Variants in EPM2A observed in about 807,000 individuals in gnomAD.
EPM2A encodes laforin.
In EPM2A, 21 loss-of-function variants were observed where a neutral mutation model predicts 26.5. The ratio of observed to expected loss-of-function variants is 0.79; its 90% CI spans 0.56 to 1.14. EPM2A has a LOEUF of 1.14. Among genes scored for constraint, EPM2A ranks in the 50% most tolerant of loss-of-function variants. The pLI, the probability that EPM2A is intolerant of heterozygous loss-of-function variation, is 0.00. For synonymous variants in EPM2A, 217 were observed against 177.6 expected (o/e 1.22, Z -1.76); for missense variants, 458 against 440.8 (o/e 1.04, Z -0.35).
chr6:145,632,638 G>A (rs764460087), intron 3 of EPM2A, among the ~76,000 whole-genome samples: 5 of 152,132 alleles, frequency 3.3e-5, no homozygotes, highest in African/African-American at 7.2e-5. Flanking sequence ...GACAACTAGC[G>A]GTGACAGTCA....
intron 4 of EPM2A, among the ~76,000 whole-genome samples, chr6:145,399,839 T>C (rs570774471): frequency 3.9e-5 from 6 of 152,304 alleles, no homozygotes; most frequent in Admixed American, 2.0e-4. Flanking sequence ...CCCTCAATAA[T>C]CTTTTTGGCT....
intron 2 of EPM2A, among the ~76,000 whole-genome samples, chr6:145,681,995 C>A (rs890238646): frequency 4.6e-5 from 7 of 152,142 alleles, no homozygotes; most frequent in Admixed American, 6.6e-5. Flanking sequence ...TAATATTGCT[C>A]TCTCACACCT....
chr6:145,468,310 T>C (rs1779426824), intron 4 of EPM2A, among the ~76,000 whole-genome samples: 2 of 152,138 alleles, frequency 1.3e-5, no homozygotes, highest in African/African-American at 4.8e-5. Flanking sequence ...TTCAAATCAC[T>C]TTAATCGCCG....
intron 1 of EPM2A, among the ~76,000 whole-genome samples, chr6:145,687,095 G>A (rs1244049807): frequency 6.6e-6 from 1 of 152,126 alleles, no homozygotes. Context: ...TGGTATGAAT[G>A]TTTTTGTCCC....
intron 3 of EPM2A, chr6:145,630,657 C>T (rs1235233964): frequency 6.6e-6 from 1 of 152,174 alleles, no homozygotes; most frequent in Non-Finnish European, 1.5e-5. Flanking sequence ...AGGGTGCCCA[C>T]TCATCTCAGC....
intron 4 of EPM2A, among the ~76,000 whole-genome samples, chr6:145,495,282 G>A (rs1212232285): frequency 6.7e-6 from 1 of 148,982 alleles, no homozygotes; most frequent in Admixed American, 6.7e-5. Flanking sequence ...AGTCTGTTTT[G>A]TCAAAAACTG....
intron 2 of EPM2A, among the ~76,000 whole-genome samples, chr6:145,608,570 T>C (rs1775318958): frequency 6.6e-6 from 1 of 151,750 alleles, no homozygotes; most frequent in Non-Finnish European, 1.5e-5. Flanking sequence ...ATTTCATCCT[T>C]AGTCAATCTA....
intron 4 of EPM2A, among the ~76,000 whole-genome samples, chr6:145,461,343 T>C (rs932805823): frequency 6.6e-6 from 1 of 152,200 alleles, no homozygotes; most frequent in Non-Finnish European, 1.5e-5. Flanking sequence ...AGAATGTATG[T>C]GCATAACAGG....
intron 4 of EPM2A, among the ~76,000 whole-genome samples, chr6:145,393,065 T>C (rs933295125): frequency 1.3e-5 from 2 of 152,104 alleles, no homozygotes; most frequent in Non-Finnish European, 2.9e-5. Flanking sequence ...TTCCAACTCA[T>C]TTTTTCTTTC....
intron 4 of EPM2A, among the ~76,000 whole-genome samples, chr6:145,488,495 TTGTGTG>T (rs146792300): frequency 7.6e-6 from 1 of 131,946 alleles, no homozygotes; most frequent in Non-Finnish European, 1.6e-5. Context: ...ATTTGTGTGG[TTGTGTG>T]TGTGTGTGTG....
At chr6:145,486,164 A>G (rs1164479890) in intron 4 of EPM2A, among the ~76,000 whole-genome samples, 2 of 152,090 alleles carry the variant, frequency 1.3e-5, no homozygotes, top group East Asian at 1.9e-4. Context: ...TCCAAATAGA[A>G]CCTTCCAGAG....
At chr6:145,406,018 G>C (rs62437927) in intron 4 of EPM2A, among the ~76,000 whole-genome samples, 2 of 125,792 alleles carry the variant, frequency 1.6e-5, no homozygotes, top group Non-Finnish European at 3.5e-5. Flanking sequence ...ACACACAACA[G>C]ACAGACACAC....
At chr6:145,515,997 A>T (rs537419957) in intron 2 of EPM2A, among the ~76,000 whole-genome samples, 1 of 152,342 alleles carries the variant, frequency 6.6e-6, no homozygotes, top group Non-Finnish European at 1.5e-5. Flanking sequence ...TGATACTCAG[A>T]CATCAAAGGA....
At chr6:145,443,918 T>C (rs2114703030) in intron 4 of EPM2A, among the ~76,000 whole-genome samples, 1 of 152,334 alleles carries the variant, frequency 6.6e-6, no homozygotes, top group South Asian at 2.1e-4. Flanking sequence ...TGACTTTTCC[T>C]CCTTGCCTTA....
At chr6:145,663,318 G>A (rs1039748211) in intron 2 of EPM2A, among the ~76,000 whole-genome samples, 10 of 152,158 alleles carry the variant, frequency 6.6e-5, no homozygotes, top group African/African-American at 1.7e-4. Context: ...CGCAGAAGAC[G>A]GGTGATTTCT....
chr6:145,489,964 G>A lies in EPM2A; in HGVS notation c.555+12558C>T, dbSNP rs28690096. The stretch of plus-strand genomic sequence containing the variant: ...TTGGACCTGCTCTGGAAGCACACTC[G>A]TGTGAACAAAGTACCTGGCTGTCCT... On this transcript the variant is annotated intron_variant, in intron 4 of 4. Coordinates refer to the EPM2A transcript ENST00000638717. 1.6e-3 allele frequency: 2,208 copies of A among 1,376,988 alleles called. 29 individuals carry two copies. In the African/African-American group the frequency reaches 0.028, roughly 17 times the overall value. 85.3% of individuals were successfully genotyped at this position (1,376,988 alleles called of 1,614,324 possible). A position where few individuals can be genotyped will look rare whatever the true frequency, so the allele number is the denominator to read the frequency against.
intron 2 of EPM2A, among the ~76,000 whole-genome samples, chr6:145,677,100 T>C (rs1780108942): frequency 6.6e-6 from 1 of 152,190 alleles, no homozygotes; most frequent in Non-Finnish European, 1.5e-5. Flanking sequence ...CAAGCTGGCT[T>C]CATCCGTGGG....
At chr6:145,543,053 A>G (rs1196866966) in intron 2 of EPM2A, among the ~76,000 whole-genome samples, 1 of 152,112 alleles carries the variant, frequency 6.6e-6, no homozygotes, top group Non-Finnish European at 1.5e-5. Flanking sequence ...GGTGTGAGCC[A>G]CTGCACACAG....
chr6:145,559,359 T>C (rs977492548), intron 2 of EPM2A, among the ~76,000 whole-genome samples: 3 of 152,126 alleles, frequency 2.0e-5, no homozygotes, highest in African/African-American at 7.2e-5. Flanking sequence ...AAACAAATCC[T>C]GGTTCATCCT....
Sources: allele counts gnomAD v4.1 joint callset (sites outside exome capture counted in the v4.1 genomes callset), GRCh38; gene constraint gnomAD v4.1.1; transcripts MANE v1.5; gene names NCBI Gene and HGNC (gene_info 2026-07-23, HGNC 2026-07-21).